The following STK4 variants were observed in gnomAD, a reference collection of about 807,000 sequenced individuals.
The protein encoded by STK4 is serine/threonine kinase 4, also known as serine/threonine-protein kinase 4.
A neutral mutation model predicts 64.9 loss-of-function variants in STK4; 30 were observed. The ratio of observed to expected loss-of-function variants is 0.46; its 90% CI spans 0.35 to 0.63. STK4 has a LOEUF of 0.63. Among genes scored for constraint, STK4 ranks in the 20% least tolerant of loss-of-function variants. The pLI, the probability that STK4 is intolerant of heterozygous loss-of-function variation, is 0.01. For synonymous variants in STK4, 177 were observed against 199.0 expected, an observed-to-expected ratio of 0.89 and a Z score of 0.93; for missense variants, 466 against 598.5, an observed-to-expected ratio of 0.78 and a Z score of 2.31.
rs143316085 is a variant in STK4 at position 45,004,118 on chromosome 20, C to T, written c.1147+2765C>T. Among the ~76,000 whole-genome samples, 850 of 151,524 alleles carry T rather than the reference C, an allele frequency of 5.6e-3. 6 individuals are homozygous for T. Among genetic ancestry groups the T allele is most frequent in the African/African-American group, 0.016 (649 of 41,292 alleles). On this transcript the variant is annotated intron_variant, in intron 9 of 10. Transcript: ENST00000372806. ...ACCAGTTTTTTCTTTTTTTTTGAGA[C>T]GGAGTCTTGCTCTTTCGCCCAGGCT...
chr20:44,977,600 C>G (rs2067362392), intron 2 of STK4, among the ~76,000 whole-genome samples: 2 of 152,076 alleles, frequency 1.3e-5, no homozygotes, highest in South Asian at 4.1e-4. Flanking sequence ...TGAGAAAATT[C>G]AGGTACAACA....
At chr20:45,022,009 C>T (rs2068256642) in intron 9 of STK4, among the ~76,000 whole-genome samples, 1 of 152,142 alleles carries the variant, frequency 6.6e-6, no homozygotes, top group Non-Finnish European at 1.5e-5. Context: ...ATCGTGTAGT[C>T]AGAACCAGAA....
At chr20:44,971,232 G>A (rs1377093784) in intron 1 of STK4, among the ~76,000 whole-genome samples, 1 of 151,982 alleles carries the variant, frequency 6.6e-6, no homozygotes, top group African/African-American at 2.4e-5. Flanking sequence ...TGATTGTCTA[G>A]CATAGTCAGA....
At chr20:45,026,004 A>G (rs1002181078) in intron 10 of STK4, among the ~76,000 whole-genome samples, 1 of 152,218 alleles carries the variant, frequency 6.6e-6, no homozygotes, top group Non-Finnish European at 1.5e-5. Flanking sequence ...AACTAATGGT[A>G]GAGATCCTTT....
chr20:45,023,419 C>T (rs111843170), intron 9 of STK4, among the ~76,000 whole-genome samples: 1 of 151,942 alleles, frequency 6.6e-6, no homozygotes, highest in Non-Finnish European at 1.5e-5. Flanking sequence ...ACCAAGGGTG[C>T]CTGGAGAGAA....
intron 5 of STK4, among the ~76,000 whole-genome samples, chr20:44,992,618 C>T (rs1360573326): frequency 6.6e-6 from 1 of 151,774 alleles, no homozygotes; most frequent in African/African-American, 2.4e-5. Flanking sequence ...GTGATCCTCC[C>T]ACCTTAGCCT....
Position 44,966,512 on chromosome 20 carries a change from A to G in STK4, c.-57A>G, listed in dbSNP as rs2067152033. Reference sequence around the variant, plus strand: ...GTGGGAGGGTCTGCGGGGCGGGCTCAGGAGGTCCGCGGGAGGATGGAGCAG... The same window carrying G: ...GTGGGAGGGTCTGCGGGGCGGGCTCGGGAGGTCCGCGGGAGGATGGAGCAG... On this transcript the variant is annotated 5_prime_UTR_variant, in exon 1 of 11. Transcript: ENST00000372806. The G allele has an allele frequency of 8.0e-7, 1 of 1,252,032 alleles. No individual in the cohort carries two copies. Among genetic ancestry groups the G allele is most frequent in the Non-Finnish European group, 1.0e-6 (1 of 989,334 alleles). 77.6% of individuals were successfully genotyped at this position (1,252,032 alleles called of 1,614,324 possible). A position where few individuals can be genotyped will look rare whatever the true frequency, so the allele number is the denominator to read the frequency against.
chr20:45,057,861 G>A (rs1300099877), intron 10 of STK4, among the ~76,000 whole-genome samples: 2 of 152,022 alleles, frequency 1.3e-5, no homozygotes, highest in Non-Finnish European at 2.9e-5. Context: ...TATTACCATG[G>A]CATAAATTAA....
Position 44,996,508 on chromosome 20 carries a change from T to C in STK4, c.694-661T>C, listed in dbSNP as rs564042472. Among the ~76,000 whole-genome samples, 19 of 152,316 alleles carry C rather than the reference T, an allele frequency of 1.2e-4. No homozygotes were observed. In the East Asian group the frequency reaches 3.5e-3, roughly 28 times the overall value. ...AGAAGGAGTGAGGAGATTTACTAGTTACAATTTTAGATTTAAAGAATATAA... is the reference window on the plus strand; with the variant it reads ...AGAAGGAGTGAGGAGATTTACTAGTCACAATTTTAGATTTAAAGAATATAA... On this transcript the variant is annotated intron_variant, in intron 6 of 10. Transcript: ENST00000372806.
intron 9 of STK4, 69 bp downstream of exon 9, chr20:45,001,422 A>C: frequency 8.6e-4 from 1,307 of 1,518,212 alleles, no homozygotes; most frequent in Non-Finnish European, 1.1e-3. Flanking sequence ...ACAGATTCTC[A>C]TGGTTCATGC....
intron 9 of STK4, among the ~76,000 whole-genome samples, chr20:45,011,729 A>ATATAT (rs60170856): frequency 1.7e-5 from 2 of 115,388 alleles, no homozygotes; most frequent in African/African-American, 7.3e-5. Flanking sequence ...ATATATATAT[A>ATATAT]TTTTTTTTTT....
intron 10 of STK4, among the ~76,000 whole-genome samples, chr20:45,073,176 A>G (rs76995089): frequency 0.028 from 4,238 of 152,286 alleles, 183 homozygotes; most frequent in African/African-American, 0.092. Flanking sequence ...GCCAAAGACT[A>G]GGCAAGCATT....
rs116578158 is a variant in STK4 at position 45,049,650 on chromosome 20, C to T, written c.1305+24520C>T. Among the ~76,000 whole-genome samples the T allele has an allele frequency of 3.7e-3, 561 of 152,230 alleles. 5 individuals are homozygous for T. The highest frequency in any genetic ancestry group is 0.013 in the African/African-American group (532 of 41,538). ...CAGCTGCCCAGAGTTCATTGCTAAA[C>T]GGATGTTTAACAATGGTACTGTGAA... On this transcript the variant is annotated intron_variant, in intron 10 of 10. Transcript: ENST00000372806.
intron 5 of STK4, among the ~76,000 whole-genome samples, chr20:44,991,034 T>C (rs2067623334): frequency 6.6e-6 from 1 of 152,208 alleles, no homozygotes; most frequent in African/African-American, 2.4e-5. Flanking sequence ...GTGGCTGTAG[T>C]TATTTTCCCC....
intron 10 of STK4, among the ~76,000 whole-genome samples, chr20:45,054,608 C>T (rs6130743): frequency 0.13 from 18,035 of 143,264 alleles, 1,465 homozygotes; most frequent in East Asian, 0.22. Flanking sequence ...AAAGTACAGA[C>T]CCCAGAGTCA....
At chr20:45,018,917 A>G (rs2068193317) in intron 9 of STK4, among the ~76,000 whole-genome samples, 1 of 151,996 alleles carries the variant, frequency 6.6e-6, no homozygotes, top group Non-Finnish European at 1.5e-5. Context: ...ATTTTTGTAG[A>G]GACAGGGTCT....
At chr20:45,008,908 A>AT (rs145388364) in intron 9 of STK4, among the ~76,000 whole-genome samples, 11 of 149,072 alleles carry the variant, frequency 7.4e-5, no homozygotes, top group Admixed American at 3.3e-4. Flanking sequence ...ATTTGTGTAA[A>AT]TTTTTTTTTT....
At chr20:44,981,082 C>G (rs1050729049) in intron 3 of STK4, among the ~76,000 whole-genome samples, 1 of 152,132 alleles carries the variant, frequency 6.6e-6, no homozygotes, top group African/African-American at 2.4e-5. Context: ...TGTGTAAACA[C>G]AGTATCTTCT....
chr20:45,031,782 G>A (rs1193120869), intron 10 of STK4, among the ~76,000 whole-genome samples: 5 of 151,882 alleles, frequency 3.3e-5, no homozygotes. Context: ...AGATGCACCT[G>A]TAGTCCCAGC....
Sources: gnomAD v4.1 joint callset for allele counts (sites outside exome capture counted in the v4.1 genomes callset) on GRCh38, gnomAD v4.1.1 for gene constraint, MANE v1.5 for transcripts, NCBI Gene and HGNC (gene_info 2026-07-23, HGNC 2026-07-21) for gene names.